Variants in ERBB4 observed in about 807,000 individuals in gnomAD.
ERBB4 encodes erb-b2 receptor tyrosine kinase 4.
A neutral mutation model predicts 158.0 loss-of-function variants in ERBB4; 42 were observed. That is an observed-to-expected ratio of 0.27 (90% CI 0.21 to 0.34). ERBB4 has a LOEUF of 0.34. Among genes scored for constraint, ERBB4 ranks in the 10% least tolerant of loss-of-function variants. The probability of loss-of-function intolerance (pLI) is 1.00; values close to 1 mark genes in which losing one functional copy is unlikely to be tolerated. For missense variants in ERBB4, 1,333 were observed against 1,624.1 expected, an observed-to-expected ratio of 0.82 and a Z score of 3.08; for synonymous variants, 583 against 558.7, an observed-to-expected ratio of 1.04 and a Z score of -0.61.
At position 211,919,104 on chromosome 2, in the gene ERBB4, T is replaced by A. The variant is rs539045603; in HGVS notation, c.421+28326A>T. On this transcript the variant is annotated intron_variant, in intron 3 of 27. Coordinates refer to ENST00000342788, the MANE Select transcript of ERBB4 (RefSeq NM_005235.3). ...TACAAATATCTTATTATCCTAATCA[T>A]GAATAAACAAGTAAAAATAGCTTTA... is the stretch of plus-strand genomic sequence containing the variant. Among the ~76,000 whole-genome samples, 7 of 152,182 alleles carry A rather than the reference T, an allele frequency of 4.6e-5. No homozygotes were observed. The South Asian group carries it at 1.5e-3, about 32-fold the overall frequency.
intron 1 of ERBB4, among the ~76,000 whole-genome samples, chr2:212,357,873 G>C (rs1347441309): frequency 6.6e-6 from 1 of 151,790 alleles, no homozygotes; most frequent in Non-Finnish European, 1.5e-5. Context: ...TTTAGATAAT[G>C]GTCAAACAAT....
intron 1 of ERBB4, among the ~76,000 whole-genome samples, chr2:212,380,106 T>G (rs781139974): frequency 6.6e-6 from 1 of 151,166 alleles, no homozygotes; most frequent in Non-Finnish European, 1.5e-5. Context: ...TGCTGCATGA[T>G]TATACACACA....
chr2:211,851,417 T>C (rs748890050), intron 3 of ERBB4, among the ~76,000 whole-genome samples: 148 of 151,972 alleles, frequency 9.7e-4, no homozygotes, highest in Non-Finnish European at 1.4e-3. Flanking sequence ...TATAACTAGG[T>C]CAAAATATCA....
intron 1 of ERBB4, among the ~76,000 whole-genome samples, chr2:212,303,954 A>T (rs1002478705): frequency 1.3e-5 from 2 of 151,644 alleles, no homozygotes; most frequent in Non-Finnish European, 3.0e-5. Context: ...GATTTAAAAA[A>T]TAGATAACTT....
intron 19 of ERBB4, among the ~76,000 whole-genome samples, chr2:211,585,116 G>T (rs570928514): frequency 1.3e-5 from 2 of 152,082 alleles, no homozygotes; most frequent in Non-Finnish European, 2.9e-5. Context: ...ACTTTAGGAG[G>T]CCGAGGCGGG....
Position 212,327,850 on chromosome 2 carries a change from A to G in ERBB4, c.83-202947T>C, listed in dbSNP as rs2087930652. On this transcript the variant is annotated intron_variant, in intron 1 of 27. Coordinates refer to ENST00000342788, the MANE Select transcript of ERBB4 (RefSeq NM_005235.3). ...AAAGCATAGATTTTATATGTAAAGTATTCCTCCAAAAAGTTATTTTTTAAT... is the reference window on the plus strand; with the variant it reads ...AAAGCATAGATTTTATATGTAAAGTGTTCCTCCAAAAAGTTATTTTTTAAT... Among the ~76,000 whole-genome samples the G allele has an allele frequency of 5.7e-5, 3 of 52,266 alleles. No individual in the cohort carries two copies. In the South Asian group the frequency reaches 2.4e-3, roughly 42 times the overall value. 34.3% of individuals were successfully genotyped at this position (52,266 alleles called of 152,430 possible). A position where few individuals can be genotyped will look rare whatever the true frequency, so the allele number is the denominator to read the frequency against.
intron 2 of ERBB4, among the ~76,000 whole-genome samples, chr2:212,086,348 T>C (rs2125480897): frequency 1.3e-5 from 2 of 148,236 alleles, no homozygotes; most frequent in African/African-American, 4.9e-5. Flanking sequence ...GACCTATGCA[T>C]TCTCCCCACC....
chr2:212,058,917 C>T lies in ERBB4; in HGVS notation c.234+65835G>A, dbSNP rs192403101. Among the ~76,000 whole-genome samples, 565 of 152,224 alleles carry T rather than the reference C, an allele frequency of 3.7e-3. 14 individuals carry two copies. Among genetic ancestry groups the T allele is most frequent in the Admixed American group, 0.035 (535 of 15,294 alleles). On this transcript the variant is annotated intron_variant, in intron 2 of 27. Coordinates refer to ENST00000342788, the MANE Select transcript of ERBB4 (RefSeq NM_005235.3). ...GCCCTCTCTCATCACTCTTATTCAACGTAGTGTTGGAAGTTCTGGCCAGGG... is the reference window on the plus strand; with the variant it reads ...GCCCTCTCTCATCACTCTTATTCAATGTAGTGTTGGAAGTTCTGGCCAGGG...
chr2:211,722,624 A>T, intron 6 of ERBB4, 90 bp from the exon 7 acceptor site: 1 of 1,280,356 alleles, frequency 7.8e-7, no homozygotes, highest in Non-Finnish European at 1.1e-6. Context: ...GTTTTTTTCT[A>T]TAATAATTCC....
At chr2:211,443,898 G>A (rs1307073499) in intron 20 of ERBB4, among the ~76,000 whole-genome samples, 3 of 152,014 alleles carry the variant, frequency 2.0e-5, no homozygotes, top group African/African-American at 7.2e-5. Context: ...TATGTCCTTT[G>A]TCCAGCACCT....
chr2:212,284,978 A>G (rs1206736986), intron 1 of ERBB4, among the ~76,000 whole-genome samples: 1 of 152,092 alleles, frequency 6.6e-6, no homozygotes, highest in Non-Finnish European at 1.5e-5. Flanking sequence ...GCAAGTAGCT[A>G]TGGGCATCAG....
chr2:211,419,547 T>C (rs572479998), intron 25 of ERBB4, among the ~76,000 whole-genome samples: 4 of 152,096 alleles, frequency 2.6e-5, no homozygotes, highest in Non-Finnish European at 5.9e-5. Flanking sequence ...ATCTTATCAA[T>C]GGAAGAAACT....
At chr2:212,012,715 TTTG>T (rs373209705) in intron 2 of ERBB4, among the ~76,000 whole-genome samples, 23 of 151,856 alleles carry the variant, frequency 1.5e-4, no homozygotes, top group African/African-American at 4.6e-4. Context: ...GCCCAAACTT[TTTG>T]TTGTTGTTGT....
At chr2:211,640,785 G>T (rs750632902) in intron 16 of ERBB4, among the ~76,000 whole-genome samples, 1 of 152,202 alleles carries the variant, frequency 6.6e-6, no homozygotes, top group East Asian at 1.9e-4. Context: ...GACAGATTAG[G>T]AAAGTTTAAA....
intron 1 of ERBB4, among the ~76,000 whole-genome samples, chr2:212,252,570 G>T (rs1377927439): frequency 6.6e-6 from 1 of 152,028 alleles, no homozygotes; most frequent in Non-Finnish European, 1.5e-5. Flanking sequence ...ATTAGAGATA[G>T]TGAAATTCAG....
At chr2:211,890,962 C>A (rs1282687327) in intron 3 of ERBB4, among the ~76,000 whole-genome samples, 1 of 103,976 alleles carries the variant, frequency 9.6e-6, no homozygotes, top group African/African-American at 4.3e-5. Context: ...TAATGGGAGA[C>A]TTTAACACCC....
At chr2:212,293,985 C>T (rs2086317569) in intron 1 of ERBB4, among the ~76,000 whole-genome samples, 1 of 151,628 alleles carries the variant, frequency 6.6e-6, no homozygotes, top group African/African-American at 2.4e-5. Context: ...TACCAGTTCC[C>T]TTAGAAAATC....
intron 2 of ERBB4, among the ~76,000 whole-genome samples, chr2:212,076,416 T>C (rs1035289581): frequency 2.0e-5 from 3 of 151,928 alleles, no homozygotes; most frequent in Non-Finnish European, 4.4e-5. Context: ...TTCAATTCAA[T>C]CCAACAGTAT....
chr2:212,154,275 A>G (rs1231709238), intron 1 of ERBB4, among the ~76,000 whole-genome samples: 1 of 152,184 alleles, frequency 6.6e-6, no homozygotes, highest in African/African-American at 2.4e-5. Flanking sequence ...GGATATACAC[A>G]TATTTTAAGC....
Sources: allele counts gnomAD v4.1 joint callset (sites outside exome capture counted in the v4.1 genomes callset), GRCh38; gene constraint gnomAD v4.1.1; transcripts MANE v1.5; gene names NCBI Gene and HGNC (gene_info 2026-07-23, HGNC 2026-07-21).